SATB2: variants seen among roughly 807,000 people sequenced by gnomAD.
SATB2 encodes the protein DNA-binding protein SATB2.
A neutral mutation model predicts 73.4 loss-of-function variants in SATB2; 1 was observed. The observed-to-expected ratio is 0.01, with a 90% CI of 0.00 to 0.06. The LOEUF (loss-of-function observed/expected upper bound fraction) is 0.06, where lower values mean the gene tolerates loss of function less well. Ranked by LOEUF, SATB2 falls within the 10% of genes least tolerant of loss-of-function variation. The probability of loss-of-function intolerance (pLI) is 1.00; values close to 1 mark genes in which losing one functional copy is unlikely to be tolerated. For missense variants in SATB2, 459 were observed against 945.8 expected (o/e 0.49, Z 6.75); for synonymous variants, 397 against 367.0 (o/e 1.08, Z -0.93).
chr2:199,390,161 G>A (rs769798165), intron 3 of SATB2, among the ~76,000 whole-genome samples: 8 of 151,860 alleles, frequency 5.3e-5, no homozygotes, highest in Non-Finnish European at 1.0e-4. Context: ...TAGCATTTCA[G>A]AAATCTTTAT....
intron 10 of SATB2, among the ~76,000 whole-genome samples, chr2:199,302,102 T>C (rs953523888): frequency 1.3e-5 from 2 of 152,312 alleles, no homozygotes; most frequent in Non-Finnish European, 2.9e-5. Flanking sequence ...ACTGCACATT[T>C]CTTTGGCCTA....
rs749467784 is a variant in SATB2, at chr2:199,308,730, AGGTGGGGTAC to A, written c.1740+20_1740+29del. 9.4e-6 allele frequency: 15 copies of A among 1,598,274 alleles called. No homozygotes were observed. Among genetic ancestry groups the A allele is most frequent in the Middle Eastern group, 1.7e-4 (1 of 6,034 alleles). ...ACTGCTGGCACACAGAGCCCTGATC[AGGTGGGGTAC>A]GGCGGTCGGGGACACTGACCTGCAC... On this transcript the variant is annotated intron_variant, in intron 10 of 10. Transcript: ENST00000417098. This position sits in a 1 kb window ranked among gnomAD's most constrained non-coding sequence, Gnocchi z 4.6.
chr2:199,459,182 C>T (rs995853745), upstream of SATB2, among the ~76,000 whole-genome samples: 4 of 152,082 alleles, frequency 2.6e-5, no homozygotes, highest in Non-Finnish European at 4.4e-5. This position sits in a 1 kb window ranked among gnomAD's most constrained non-coding sequence, Gnocchi z 4.2. Flanking sequence ...GGACCCCAAG[C>T]TGCTCGAGCC....
intron 2 of SATB2, among the ~76,000 whole-genome samples, chr2:199,445,451 C>A (rs1178869112): frequency 6.6e-6 from 1 of 152,150 alleles, no homozygotes; most frequent in East Asian, 1.9e-4. Context: ...TCATACAGTT[C>A]TTTTCCTCCT....
chr2:199,425,032 T>C (rs1346800782), intron 3 of SATB2, among the ~76,000 whole-genome samples: 1 of 152,194 alleles, frequency 6.6e-6, no homozygotes. Context: ...AACAACTCTA[T>C]TTTACATTTA....
chr2:199,380,600 C>G, intron 4 of SATB2, 113 bp from the exon 5 acceptor site: 1 of 1,336,698 alleles, frequency 7.5e-7, no homozygotes, highest in African/African-American at 1.4e-5. Context: ...AGAAGAAATG[C>G]TAAAGAATGG....
chr2:199,279,129 T>A (rs991342369), intron 10 of SATB2, among the ~76,000 whole-genome samples: 2 of 152,210 alleles, frequency 1.3e-5, no homozygotes. Flanking sequence ...TAAATGGGCA[T>A]GAAGATGGCA....
chr2:199,443,528 T>A (rs1411371259), intron 2 of SATB2, among the ~76,000 whole-genome samples: 12 of 95,966 alleles, frequency 1.3e-4, no homozygotes, highest in South Asian at 3.2e-4. Context: ...AACTGAAAAG[T>A]AAAGTTATAG....
At chr2:199,456,554 C>T (rs1054615557) in intron 1 of SATB2, among the ~76,000 whole-genome samples, 2 of 152,206 alleles carry the variant, frequency 1.3e-5, no homozygotes, top group Non-Finnish European at 2.9e-5. Flanking sequence ...CCGGTAAATG[C>T]GCTGTGAATG....
chr2:199,394,661 C>T (rs1028507596), intron 3 of SATB2, among the ~76,000 whole-genome samples: 2 of 151,956 alleles, frequency 1.3e-5, no homozygotes, highest in Non-Finnish European at 2.9e-5. Context: ...AAAAGCCAGG[C>T]GTGGTGGCAC....
At chr2:199,365,224 T>TG (rs1278302759) in intron 6 of SATB2, among the ~76,000 whole-genome samples, 1 of 152,096 alleles carries the variant, frequency 6.6e-6, no homozygotes, top group Non-Finnish European at 1.5e-5. Context: ...ACTTTTTTTT[T>TG]TCTTATACTT....
intron 3 of SATB2, among the ~76,000 whole-genome samples, chr2:199,409,752 G>C (rs996941228): frequency 6.6e-6 from 1 of 151,210 alleles, no homozygotes; most frequent in Non-Finnish European, 1.5e-5. Context: ...ATCTTTACTT[G>C]AAATATGCAA....
At chr2:199,381,287 C>T (rs933195078) in intron 4 of SATB2, among the ~76,000 whole-genome samples, 15 of 152,152 alleles carry the variant, frequency 9.9e-5, no homozygotes, top group African/African-American at 3.6e-4. Flanking sequence ...AAACCTCCTA[C>T]AAGAACAAAA....
At chr2:199,390,156 T>A (rs1690087985) in intron 3 of SATB2, among the ~76,000 whole-genome samples, 1 of 152,108 alleles carries the variant, frequency 6.6e-6, no homozygotes, top group Non-Finnish European at 1.5e-5. Context: ...GAAGTTAGCA[T>A]TTCAGAAATC....
At chr2:199,440,542 T>C (rs1423295287) in intron 2 of SATB2, among the ~76,000 whole-genome samples, 1 of 152,144 alleles carries the variant, frequency 6.6e-6, no homozygotes, top group Non-Finnish European at 1.5e-5. Flanking sequence ...TTCACCAATT[T>C]TAAAGGAGAG....
At chr2:199,375,574 T>A (rs1334347415) in intron 5 of SATB2, among the ~76,000 whole-genome samples, 2 of 152,214 alleles carry the variant, frequency 1.3e-5, no homozygotes, top group Non-Finnish European at 2.9e-5. Flanking sequence ...ACCACTGGGG[T>A]GTTCAAGAAA....
chr2:199,312,908 C>T (rs990064965), intron 9 of SATB2, among the ~76,000 whole-genome samples: 2 of 152,000 alleles, frequency 1.3e-5, no homozygotes, highest in East Asian at 3.9e-4. Context: ...AACAAAATAA[C>T]CAAAAATGGC....
intron 8 of SATB2, 74 bp downstream of exon 8, chr2:199,328,624 G>A: frequency 9.1e-7 from 1 of 1,099,146 alleles, no homozygotes; most frequent in Non-Finnish European, 1.4e-6. Context: ...ATGTTTGAGG[G>A]AAAACACAGT....
intron 3 of SATB2, among the ~76,000 whole-genome samples, chr2:199,382,167 A>T (rs2105868503): frequency 6.6e-6 from 1 of 152,320 alleles, no homozygotes; most frequent in Admixed American, 6.5e-5. Context: ...CTGATTTCAT[A>T]GACAAAAAAA....
Sources: allele counts gnomAD v4.1 joint callset (sites outside exome capture counted in the v4.1 genomes callset), GRCh38; gene constraint gnomAD v4.1.1; non-coding constraint Gnocchi (gnomAD v3.1); transcripts MANE v1.5; gene names NCBI Gene and HGNC (gene_info 2026-07-23, HGNC 2026-07-21).